PLCB1: variants seen among roughly 807,000 people sequenced by gnomAD.
PLCB1 encodes the protein 1-phosphatidylinositol 4,5-bisphosphate phosphodiesterase beta-1.
Under a neutral mutation model 161.8 loss-of-function variants are expected in PLCB1, and 46 were observed. That is an observed-to-expected ratio of 0.28 (90% CI 0.22 to 0.36). The LOEUF (loss-of-function observed/expected upper bound fraction) is 0.36, where lower values mean the gene tolerates loss of function less well. Among genes scored for constraint, PLCB1 ranks in the 10% least tolerant of loss-of-function variants. PLCB1 has a pLI of 1.00. For missense variants in PLCB1, 1,016 were observed against 1,472.5 expected (o/e 0.69, Z 5.07); for synonymous variants, 517 against 503.7 (o/e 1.03, Z -0.35).
chr20:8,190,854 G>A (rs2051962769), intron 2 of PLCB1, among the ~76,000 whole-genome samples: 1 of 152,090 alleles, frequency 6.6e-6, no homozygotes, highest in African/African-American at 2.4e-5. Flanking sequence ...AATATTTAAT[G>A]TCCTTTCTCA....
At chr20:8,499,962 GA>G (rs1490859325) in intron 3 of PLCB1, among the ~76,000 whole-genome samples, 1 of 152,056 alleles carries the variant, frequency 6.6e-6, no homozygotes, top group African/African-American at 2.4e-5. Flanking sequence ...CTACTTTTTA[GA>G]AACAACCAGC....
At chr20:8,543,620 C>CAAAA (rs60587265) in intron 3 of PLCB1, among the ~76,000 whole-genome samples, 1 of 129,574 alleles carries the variant, frequency 7.7e-6, no homozygotes, top group Non-Finnish European at 1.6e-5. Flanking sequence ...CAAAGAGTTC[C>CAAAA]AAAAAAAAAA....
chr20:8,796,858 T>A (rs1984051168), intron 31 of PLCB1, among the ~76,000 whole-genome samples: 1 of 152,250 alleles, frequency 6.6e-6, no homozygotes, highest in South Asian at 2.1e-4. Context: ...CATGGTTCAT[T>A]TAGATATGTC....
At chr20:8,246,371 G>A (rs940086784) in intron 2 of PLCB1, among the ~76,000 whole-genome samples, 2 of 151,900 alleles carry the variant, frequency 1.3e-5, no homozygotes, top group Non-Finnish European at 2.9e-5. Flanking sequence ...AGGGGCAATT[G>A]AGCCATAAAG....
chr20:8,817,641 A>G (rs968509647), intron 31 of PLCB1, among the ~76,000 whole-genome samples: 2 of 152,244 alleles, frequency 1.3e-5, no homozygotes, highest in African/African-American at 4.8e-5. Flanking sequence ...TTTGTTTAAA[A>G]AGGAACCCAT....
chr20:8,833,185 A>G (rs1986097706), intron 31 of PLCB1, among the ~76,000 whole-genome samples: 3 of 152,196 alleles, frequency 2.0e-5, no homozygotes, highest in Admixed American at 2.0e-4. Context: ...AGACTGGGTA[A>G]TTTATAAAGA....
intron 2 of PLCB1, among the ~76,000 whole-genome samples, chr20:8,250,505 A>G (rs1981084294): frequency 6.6e-6 from 1 of 151,862 alleles, no homozygotes; most frequent in South Asian, 2.1e-4. Flanking sequence ...CCTTCATCAT[A>G]TCTTTTGCCA....
chr20:8,227,703 A>G (rs1242169999), intron 2 of PLCB1, among the ~76,000 whole-genome samples: 1 of 152,188 alleles, frequency 6.6e-6, no homozygotes, highest in Non-Finnish European at 1.5e-5. Flanking sequence ...GGCAATCAAG[A>G]AAGAAAAATT....
At chr20:8,612,077 C>T (rs1426836221) in intron 3 of PLCB1, among the ~76,000 whole-genome samples, 1 of 152,106 alleles carries the variant, frequency 6.6e-6, no homozygotes, top group Non-Finnish European at 1.5e-5. Flanking sequence ...GCTCCAAAAG[C>T]ATTTATCCCT....
chr20:8,339,236 C>T (rs1381563028), intron 2 of PLCB1, among the ~76,000 whole-genome samples: 2 of 152,134 alleles, frequency 1.3e-5, no homozygotes, highest in East Asian at 1.9e-4. Context: ...TTCTGAAGTT[C>T]TGTGTCACTT....
chr20:8,199,291 G>A (rs536509712), intron 2 of PLCB1, among the ~76,000 whole-genome samples: 2 of 152,160 alleles, frequency 1.3e-5, no homozygotes, highest in South Asian at 2.1e-4. Flanking sequence ...CATGTTGATT[G>A]TGCATTCTAC....
chr20:8,836,446 T>C (rs1986287098), intron 31 of PLCB1, among the ~76,000 whole-genome samples: 1 of 77,228 alleles, frequency 1.3e-5, no homozygotes, highest in African/African-American at 3.3e-5. Flanking sequence ...TGATTCTGTC[T>C]CTCTGGAGAA....
At chr20:8,789,195 C>G (rs757888090) in intron 29 of PLCB1, among the ~76,000 whole-genome samples, 35 of 152,062 alleles carry the variant, frequency 2.3e-4, no homozygotes, top group Non-Finnish European at 2.4e-4. Context: ...CTGGGCAACA[C>G]AGGGAGACTC....
chr20:8,476,171 A>G (rs1982271093), intron 3 of PLCB1, among the ~76,000 whole-genome samples: 1 of 152,224 alleles, frequency 6.6e-6, no homozygotes, highest in Non-Finnish European at 1.5e-5. Flanking sequence ...CTAGTAGAGC[A>G]GCTTACAGGA....
At chr20:8,247,860 C>G (rs567836821) in intron 2 of PLCB1, among the ~76,000 whole-genome samples, 74 of 152,026 alleles carry the variant, frequency 4.9e-4, no homozygotes, top group African/African-American at 1.7e-3. Context: ...CCAGATTGCA[C>G]CTATATTACC....
intron 3 of PLCB1, among the ~76,000 whole-genome samples, chr20:8,441,748 G>A (rs1220523106): frequency 2.0e-5 from 3 of 152,254 alleles, no homozygotes; most frequent in Non-Finnish European, 2.9e-5. Flanking sequence ...AGGAGGGGGA[G>A]AGGGCAGCAT....
At chr20:8,564,998 A>G (rs374816864) in intron 3 of PLCB1, among the ~76,000 whole-genome samples, 2 of 152,210 alleles carry the variant, frequency 1.3e-5, no homozygotes, top group African/African-American at 4.8e-5. Context: ...TATATACGCA[A>G]AGGATTATAA....
intron 2 of PLCB1, among the ~76,000 whole-genome samples, chr20:8,151,663 G>A (rs577316536): frequency 2.0e-5 from 3 of 152,234 alleles, no homozygotes; most frequent in Admixed American, 6.5e-5. Context: ...CTTGCAAGAG[G>A]TTTTGTTTTT....
intron 11 of PLCB1, among the ~76,000 whole-genome samples, chr20:8,703,250 AC>A (rs1281710617): frequency 6.6e-6 from 1 of 152,192 alleles, no homozygotes; most frequent in Admixed American, 6.5e-5. Context: ...TACTTAATAC[AC>A]AAATATTGCT....
Sources: allele counts gnomAD v4.1 joint callset (sites outside exome capture counted in the v4.1 genomes callset), GRCh38; gene constraint gnomAD v4.1.1; transcripts MANE v1.5; gene names NCBI Gene and HGNC (gene_info 2026-07-23, HGNC 2026-07-21).